The following PNLDC1 variants were observed in gnomAD, a reference collection of about 807,000 sequenced individuals.
The protein encoded by PNLDC1 is poly(A)-specific ribonuclease PNLDC1.
In PNLDC1, 70 loss-of-function variants were observed where a neutral mutation model predicts 82.0. That is an observed-to-expected ratio of 0.85 (90% CI 0.70 to 1.04). The LOEUF (loss-of-function observed/expected upper bound fraction) is 1.04, where lower values mean the gene tolerates loss of function less well. Ranked by LOEUF, PNLDC1 falls within the 50% of genes least tolerant of loss-of-function variation. The probability of loss-of-function intolerance (pLI) is 0.00; values close to 1 mark genes in which losing one functional copy is unlikely to be tolerated. For missense variants in PNLDC1, 631 were observed against 661.1 expected (o/e 0.95, Z 0.50); for synonymous variants, 280 against 249.3 (o/e 1.12, Z -1.16).
chr6:159,802,436 C>A (rs1478419544), intron 3 of PNLDC1, among the ~76,000 whole-genome samples: 12 of 151,920 alleles, frequency 7.9e-5, no homozygotes, highest in South Asian at 2.1e-4. Flanking sequence ...TGATGCTGAA[C>A]GTGTGTGTGT....
intron 12 of PNLDC1, 30 bp from the exon 13 acceptor site, chr6:159,815,939 G>GT (rs1781798783): frequency 1.3e-6 from 2 of 1,582,740 alleles, no homozygotes; most frequent in Non-Finnish European, 1.7e-6. Flanking sequence ...TCAGCAAATT[G>GT]TTTTTTATTC....
chr6:159,800,478 G>A, intron 1 of PNLDC1, 95 bp downstream of exon 1: 1 of 1,408,820 alleles, frequency 7.1e-7, no homozygotes, highest in Non-Finnish European at 9.6e-7. Context: ...AGGCCACAGG[G>A]CCTCAGAGAG....
chr6:159,800,384 G>T lies in PNLDC1; in HGVS notation c.76+1G>T, dbSNP rs1781195200. On this transcript the variant is annotated splice_donor_variant, in intron 1 of 18. Coordinates refer to ENST00000392167, the MANE Select transcript of PNLDC1 (RefSeq NM_001271862.2). LOFTEE classifies it high-confidence loss of function. The stretch of plus-strand genomic sequence containing the variant: ...CTCGTCCAGGAGGCCGACTTCGTGG[G>T]TGAAGAGCCTGGGATTCGCGGCTGT... The T allele has an allele frequency of 1.1e-5, 17 of 1,547,706 alleles. No homozygotes were observed. Among genetic ancestry groups the T allele is most frequent in the Non-Finnish European group, 1.5e-5 (17 of 1,146,242 alleles).
At chr6:159,803,931 G>A (rs774613068) in intron 4 of PNLDC1, 34 bp from the exon 5 acceptor site, 7 of 1,590,954 alleles carry the variant, frequency 4.4e-6, no homozygotes, top group Non-Finnish European at 6.0e-6. Flanking sequence ...TTAAATGGTT[G>A]TGGCTTTTTC....
intron 9 of PNLDC1, 40 bp downstream of exon 9, chr6:159,809,198 T>G: frequency 6.2e-7 from 1 of 1,602,796 alleles, no homozygotes; most frequent in East Asian, 2.2e-5. Context: ...AAAGGCAGTC[T>G]TTAGTATTTC....
chr6:159,811,589 T>C, intron 10 of PNLDC1, 112 bp from the exon 11 acceptor site: 1 of 769,246 alleles, frequency 1.3e-6, no homozygotes. Context: ...TCCTGTTTTG[T>C]TTCAGTTTGC....
intron 7 of PNLDC1, among the ~76,000 whole-genome samples, chr6:159,807,308 A>C (rs1297896863): frequency 6.6e-6 from 1 of 152,178 alleles, no homozygotes; most frequent in Non-Finnish European, 1.5e-5. Flanking sequence ...TCATGCTTGT[A>C]ATCCCAGCAT....
chr6:159,817,246 T>A, intron 15 of PNLDC1, 95 bp downstream of exon 15: 1 of 1,170,890 alleles, frequency 8.5e-7, no homozygotes, highest in Non-Finnish European at 1.3e-6. Flanking sequence ...CCCAGGGTTC[T>A]ACCAAAGAAG....
chr6:159,819,160 G>A lies in PNLDC1; in HGVS notation c.1433+39G>A, dbSNP rs375147516. 3.0e-4 allele frequency: 490 copies of A among 1,609,808 alleles called. No homozygotes were observed. Among genetic ancestry groups the A allele is most frequent in the Non-Finnish European group, 3.9e-4 (456 of 1,177,120 alleles). ...AGTCCGCGTCCCCCACCCCTCGTGC[G>A]TTCATCCCTGTATCTCTCTGACTCC... On this transcript the variant is annotated intron_variant, in intron 17 of 18. Transcript: ENST00000392167. This position sits in a 1 kb window ranked among gnomAD's most constrained non-coding sequence, Gnocchi z 4.6.
At chr6:159,812,943 A>C (rs988990301) in intron 11 of PNLDC1, among the ~76,000 whole-genome samples, 19 of 152,270 alleles carry the variant, frequency 1.2e-4, no homozygotes, top group African/African-American at 4.6e-4. Flanking sequence ...GGATCACTTA[A>C]AGCCCGGGAA....
Position 159,809,028 on chromosome 6 carries a change from AAGTG to A in PNLDC1, c.657_660del (p.Ser220AsnfsTer37). 6.2e-7 allele frequency: 1 copy of A among 1,613,044 alleles called. No individual in the cohort carries two copies. Among genetic ancestry groups the A allele is most frequent in the Non-Finnish European group, 8.5e-7 (1 of 1,179,774 alleles). On this transcript the variant is annotated frameshift_variant, in exon 9 of 19. Transcript: ENST00000392167. LOFTEE classifies it high-confidence loss of function. The stretch of plus-strand genomic sequence containing the variant: ...CCTGCTTTTCAGGTGGTAGTGAAGA[AAGTG>A]AGTAAACAACATCGTTGGTATCTTC...
In PNLDC1 at chr6:159,811,884, T is replaced by TTTTTGTTTTG. The variant is rs71758879; in HGVS notation, c.939+122_939+131dup. On this transcript the variant is annotated intron_variant, in intron 11 of 18. Transcript: ENST00000392167. ...GTTTTTTTCTTGTGTTTTTTTGTTT[T>TTTTTGTTTTG]TTTTGTTTTGTTTTGTTTTGTTTTG... The TTTTTGTTTTG allele has an allele frequency of 1.3e-4, 112 of 885,674 alleles. 1 individual carries two copies. In the African/African-American group the frequency reaches 1.8e-3, roughly 14 times the overall value. 54.9% of individuals were successfully genotyped at this position (885,674 alleles called of 1,614,324 possible).
At chr6:159,800,184 G>A, upstream of PNLDC1, 3 of 880,684 alleles carry the variant, frequency 3.4e-6, no homozygotes, top group Non-Finnish European at 5.1e-6. Context: ...GGGCACGTGG[G>A]GCGGAGGCAG....
chr6:159,810,580 G>A (rs1702296672), intron 10 of PNLDC1, among the ~76,000 whole-genome samples: 1 of 152,144 alleles, frequency 6.6e-6, no homozygotes, highest in Non-Finnish European at 1.5e-5. Flanking sequence ...TTTCATGGTT[G>A]ATTCCATTAT....
At chr6:159,806,120 G>C (rs1260078484) in intron 7 of PNLDC1, 37 bp downstream of exon 7, 1 of 1,518,944 alleles carries the variant, frequency 6.6e-7, no homozygotes, top group Non-Finnish European at 9.1e-7. Context: ...CAGGAGCATT[G>C]GGACAGGTCA....
chr6:159,804,175 GGTGCAA>G, intron 5 of PNLDC1, 87 bp downstream of exon 5: 1 of 1,483,862 alleles, frequency 6.7e-7, no homozygotes, highest in Non-Finnish European at 9.1e-7. Flanking sequence ...GGAGTGCAGT[GGTGCAA>G]TCTTCGCCTC....
At chr6:159,808,665 C>T in intron 7 of PNLDC1, 75 bp from the exon 8 acceptor site, 2 of 1,375,456 alleles carry the variant, frequency 1.5e-6, no homozygotes, top group East Asian at 2.5e-5. Flanking sequence ...AGCTTCTGCT[C>T]CTCCAGGGCT....
intron 9 of PNLDC1, among the ~76,000 whole-genome samples, chr6:159,809,710 G>GT (rs1562501039): frequency 6.6e-6 from 1 of 152,120 alleles, no homozygotes; most frequent in Admixed American, 6.5e-5. Context: ...GCTCCTTTCC[G>GT]TAACACAGGA....
At position 159,800,344 on chromosome 6, in the gene PNLDC1, C is replaced by T. The variant is rs1781193258; in HGVS notation, c.37C>T (p.Pro13Ser). Residue 13 changes from proline (P) to serine (S), a missense_variant, in exon 1 of 19, where the codon CCT (proline) becomes TCT (serine). Transcript: ENST00000392167. ...CGCCGACGAGTTCGAGGAGAGCCTC[C>T]CTCTGCTGCAGGAGCTCGTCCAGGA... ...VGADEFEESL[P>S]LLQELVQEAD... The T allele has an allele frequency of 1.9e-6, 3 of 1,548,042 alleles. No homozygotes were observed. Among genetic ancestry groups the T allele is most frequent in the East Asian group, 2.4e-5 (1 of 40,908 alleles).
Sources: allele counts gnomAD v4.1 joint callset (sites outside exome capture counted in the v4.1 genomes callset), GRCh38; gene constraint gnomAD v4.1.1; non-coding constraint Gnocchi (gnomAD v3.1); transcripts MANE v1.5; gene names NCBI Gene and HGNC (gene_info 2026-07-23, HGNC 2026-07-21).